The following NR5A1 variants were observed in gnomAD, a reference collection of about 807,000 sequenced individuals.
NR5A1 encodes the protein nuclear receptor subfamily 5 group A member 1, also known as steroidogenic factor 1.
A neutral mutation model predicts 42.7 loss-of-function variants in NR5A1; 6 were observed. That is an observed-to-expected ratio of 0.14 (90% CI 0.08 to 0.28). The LOEUF (loss-of-function observed/expected upper bound fraction) is 0.28. Ranked by LOEUF, NR5A1 falls within the 10% of genes least tolerant of loss-of-function variation. The probability of loss-of-function intolerance (pLI) is 1.00; values close to 1 mark genes in which losing one functional copy is unlikely to be tolerated. For missense variants in NR5A1, 442 were observed against 626.4 expected (o/e 0.71, Z 3.14); for synonymous variants, 274 against 277.5 (o/e 0.99, Z 0.12).
At position 124,500,516 on chromosome 9, in the gene NR5A1, C is replaced by T. The variant is rs768145287; in HGVS notation, c.444G>A (p.Glu148=). The T allele has an allele frequency of 6.2e-7, 1 of 1,607,154 alleles. No homozygotes were observed. The highest frequency in any genetic ancestry group is 8.5e-7 in the Non-Finnish European group (1 of 1,178,944). ...YVLPPSLHGP[E]PKGLAAGPPA... ...GTGGACCGGCGGCCAGGCCCTTGGG[C>T]TCAGGCCCATGCAGGCTGGGAGGCA... The change falls in exon 4 of 7, where the codon GAG becomes GAA. Residue 148 remains glutamate, a synonymous_variant. Coordinates refer to ENST00000373588, the MANE Select transcript of NR5A1 (RefSeq NM_004959.5). The surrounding 1 kb of genome is among the most constrained non-coding windows in gnomAD (Gnocchi z 6.9).
rs1832441007 is a variant in NR5A1, at chr9:124,500,017, G to A, written c.870+73C>T. The A allele has an allele frequency of 1.2e-6, 2 of 1,608,606 alleles. No homozygotes were observed. The highest frequency in any genetic ancestry group is 1.7e-6 in the Non-Finnish European group (2 of 1,176,486). On this transcript the variant is annotated intron_variant, in intron 4 of 6. Coordinates refer to ENST00000373588, the MANE Select transcript of NR5A1 (RefSeq NM_004959.5). This position sits in a 1 kb window ranked among gnomAD's most constrained non-coding sequence, Gnocchi z 6.9. Reference sequence around the variant, plus strand: ...GTGGGAAGGATGGCCCTATCCAAAGGACAGTCGGGCTAAGGCTTGGGCAGC... The same window carrying A: ...GTGGGAAGGATGGCCCTATCCAAAGAACAGTCGGGCTAAGGCTTGGGCAGC...
intron 5 of NR5A1, among the ~76,000 whole-genome samples, chr9:124,492,433 C>T (rs1832329626): frequency 6.6e-6 from 1 of 151,952 alleles, no homozygotes; most frequent in Admixed American, 6.5e-5. Flanking sequence ...GGACTTTCTA[C>T]TCCCCAGATC....
At position 124,503,037 on chromosome 9, in the gene NR5A1, AGGCTGTGGG is replaced by A. The variant is rs1274640769; in HGVS notation, c.244+33_244+41del. The A allele has an allele frequency of 6.5e-7, 1 of 1,539,048 alleles. No homozygotes were observed. Among genetic ancestry groups the A allele is most frequent in the African/African-American group, 1.4e-5 (1 of 73,230 alleles). On this transcript the variant is annotated intron_variant, in intron 3 of 6. Transcript: ENST00000373588. This position sits in a 1 kb window ranked among gnomAD's most constrained non-coding sequence, Gnocchi z 9.6. The stretch of plus-strand genomic sequence containing the variant: ...TCCCACCCCCACCCCCTACCCCCTC[AGGCTGTGGG>A]GGGTCAGGGGTCGAGGCCCGCGCGG...
At chr9:124,495,240 G>A (rs2131282061) in intron 4 of NR5A1, among the ~76,000 whole-genome samples, 1 of 152,330 alleles carries the variant, frequency 6.6e-6, no homozygotes, top group South Asian at 2.1e-4. Flanking sequence ...CTGAGGCCTG[G>A]GCAGGGGCTG....
intron 4 of NR5A1, among the ~76,000 whole-genome samples, chr9:124,497,683 T>C (rs1832407636): frequency 6.6e-6 from 1 of 152,104 alleles, no homozygotes; most frequent in South Asian, 2.1e-4. Context: ...CCCGCAGCCA[T>C]CCATCACCCA....
At position 124,496,184 on chromosome 9, in the gene NR5A1, G is replaced by GCACA. The variant is rs59598562; in HGVS notation, c.871-3039_871-3036dup. Reference sequence around the variant, plus strand: ...ACACTCCCCACACAGATGAGAATGCGCACACACACACACACACACACACAA... The same window carrying GCACA: ...ACACTCCCCACACAGATGAGAATGCGCACACACACACACACACACACACACACAA... On this transcript the variant is annotated intron_variant, in intron 4 of 6. Transcript: ENST00000373588. The surrounding 1 kb of genome is among the most constrained non-coding windows in gnomAD (Gnocchi z 5.0). 4.9e-4 allele frequency among the ~76,000 whole-genome samples: 72 copies of GCACA among 148,146 alleles called. No individual in the cohort carries two copies. In the South Asian group the frequency reaches 7.1e-3, roughly 15 times the overall value.
At chr9:124,491,899 C>T (rs1373738518) in intron 5 of NR5A1, among the ~76,000 whole-genome samples, 2 of 152,168 alleles carry the variant, frequency 1.3e-5, no homozygotes, top group African/African-American at 2.4e-5. Flanking sequence ...GGCACACACA[C>T]ACACACACAC....
chr9:124,482,827 G>A lies in NR5A1; in HGVS notation c.1317C>T (p.His439=). The part of the protein sequence containing the change: ...LSMQAKEYLY[H]KHLGNEMPRN... ...GGGGCATCTCGTTGCCCAGGTGCTTGTGGTACAGGTACTCCTTGGCCTGCA... is the reference window on the plus strand; with the variant it reads ...GGGGCATCTCGTTGCCCAGGTGCTTATGGTACAGGTACTCCTTGGCCTGCA... Residue 439 remains histidine (H), a synonymous_variant, in exon 7 of 7, where the codon CAC becomes CAT. Coordinates refer to ENST00000373588, the MANE Select transcript of NR5A1 (RefSeq NM_004959.5). 1 of 1,612,980 alleles carries A rather than the reference G, an allele frequency of 6.2e-7. No individual in the cohort carries two copies. The highest frequency in any genetic ancestry group is 8.5e-7 in the Non-Finnish European group (1 of 1,179,840).
At chr9:124,490,862 T>C (rs1588617422) in intron 6 of NR5A1, among the ~76,000 whole-genome samples, 1 of 152,174 alleles carries the variant, frequency 6.6e-6, no homozygotes, top group African/African-American at 2.4e-5. Flanking sequence ...TAAAGTCACA[T>C]GGGCCACCAG....
At chr9:124,490,036 A>G (rs1186468549) in intron 6 of NR5A1, among the ~76,000 whole-genome samples, 2 of 151,972 alleles carry the variant, frequency 1.3e-5, no homozygotes, top group East Asian at 1.9e-4. Flanking sequence ...GACTGTGACT[A>G]TAATGCCAGC....
chr9:124,485,814 T>A (rs999587303), intron 6 of NR5A1, among the ~76,000 whole-genome samples: 9 of 152,144 alleles, frequency 5.9e-5, no homozygotes, highest in Non-Finnish European at 1.3e-4. Flanking sequence ...CTAGCTGAGC[T>A]CCTGCTGGCC....
chr9:124,505,828 C>T (rs1253487425), intron 1 of NR5A1, among the ~76,000 whole-genome samples: 1 of 152,110 alleles, frequency 6.6e-6, no homozygotes, highest in Non-Finnish European at 1.5e-5. Context: ...AAGGGGTTCC[C>T]GGGCCTATGG....
chr9:124,485,654 T>C (rs1425140521), intron 6 of NR5A1, among the ~76,000 whole-genome samples: 7 of 152,190 alleles, frequency 4.6e-5, no homozygotes, highest in Non-Finnish European at 8.8e-5. Flanking sequence ...AGTTCCCCGT[T>C]GTCCAGAGAG....
chr9:124,485,025 G>A (rs1358026326), intron 6 of NR5A1, among the ~76,000 whole-genome samples: 1 of 152,156 alleles, frequency 6.6e-6, no homozygotes, highest in Non-Finnish European at 1.5e-5. Flanking sequence ...CCGCTGCTGA[G>A]GTGCAATGCT....
intron 6 of NR5A1, among the ~76,000 whole-genome samples, chr9:124,485,017 G>T (rs150793235): frequency 6.6e-6 from 1 of 152,074 alleles, no homozygotes; most frequent in Non-Finnish European, 1.5e-5. Context: ...AATCCCAGCC[G>T]CTGCTGAGGT....
At chr9:124,483,155 C>G in intron 6 of NR5A1, 150 bp from the exon 7 acceptor site, 1 of 1,548,728 alleles carries the variant, frequency 6.5e-7, no homozygotes. Flanking sequence ...CATGGTCTCC[C>G]CGTTGGCACC....
In NR5A1 at chr9:124,498,834, C is replaced by T. The variant is rs991123520; in HGVS notation, c.870+1256G>A. Among the ~76,000 whole-genome samples, 7 of 152,282 alleles carry T rather than the reference C, an allele frequency of 4.6e-5. No individual in the cohort carries two copies. The highest frequency in any genetic ancestry group is 4.6e-4 in the Admixed American group (7 of 15,298). ...GCTCCACGGTGGAAGCCGTAGCCAC[C>T]ACCATCAATCCTCGACTCCCAGATG... On this transcript the variant is annotated intron_variant, in intron 4 of 6. Transcript: ENST00000373588. This position sits in a 1 kb window ranked among gnomAD's most constrained non-coding sequence, Gnocchi z 4.6.
rs184177251 is a variant in NR5A1, at chr9:124,496,555, G to A, written c.871-3406C>T. Reference sequence around the variant, plus strand: ...GGGTGCCAAGCTGACCTCCCTCCCAGCAGGGCCCCTCTGGAGCCCCCTGGG... The same window carrying A: ...GGGTGCCAAGCTGACCTCCCTCCCAACAGGGCCCCTCTGGAGCCCCCTGGG... On this transcript the variant is annotated intron_variant, in intron 4 of 6. Transcript: ENST00000373588. This position sits in a 1 kb window ranked among gnomAD's most constrained non-coding sequence, Gnocchi z 5.0. 6.6e-6 allele frequency among the ~76,000 whole-genome samples: 1 copy of A among 152,254 alleles called. No individual in the cohort carries two copies. The highest frequency in any genetic ancestry group is 1.5e-5 in the Non-Finnish European group (1 of 68,026).
At chr9:124,484,305 C>T (rs570599759) in intron 6 of NR5A1, among the ~76,000 whole-genome samples, 1 of 152,296 alleles carries the variant, frequency 6.6e-6, no homozygotes, top group South Asian at 2.1e-4. Context: ...TGGATGGCCA[C>T]GTGGTGACCG....
Sources: gnomAD v4.1 joint callset for allele counts (sites outside exome capture counted in the v4.1 genomes callset) on GRCh38, gnomAD v4.1.1 for gene constraint, Gnocchi (gnomAD v3.1) non-coding constraint, MANE v1.5 for transcripts, NCBI Gene and HGNC (gene_info 2026-07-23, HGNC 2026-07-21) for gene names.